TRIM55: variants seen among roughly 807,000 people sequenced by gnomAD.
TRIM55 encodes tripartite motif containing 55, also known as tripartite motif-containing protein 55.
A neutral mutation model predicts 60.9 loss-of-function variants in TRIM55; 50 were observed. The ratio of observed to expected loss-of-function variants is 0.82; its 90% CI spans 0.65 to 1.04. The LOEUF (loss-of-function observed/expected upper bound fraction) is 1.04, where lower values mean the gene tolerates loss of function less well. TRIM55 is among the 50% of genes least tolerant of loss of function. The pLI is 0.00. For missense variants in TRIM55, 681 were observed against 666.9 expected, an observed-to-expected ratio of 1.02 and a Z score of -0.23; for synonymous variants, 237 against 238.1, an observed-to-expected ratio of 1.00 and a Z score of 0.04.
At chr8:66,137,709 T>A (rs1451976613) in intron 4 of TRIM55, among the ~76,000 whole-genome samples, 1 of 146,456 alleles carries the variant, frequency 6.8e-6, no homozygotes, top group Non-Finnish European at 1.5e-5. Context: ...AGCTCATTCA[T>A]CTCCACTTGC....
chr8:66,159,730 A>G (rs1355582739), intron 9 of TRIM55, among the ~76,000 whole-genome samples: 3 of 152,280 alleles, frequency 2.0e-5, no homozygotes, highest in South Asian at 2.1e-4. Flanking sequence ...TATTTCAGCT[A>G]TTCTGGGTGG....
In TRIM55 at chr8:66,149,784, T is replaced by G. The variant is rs908305267; in HGVS notation, c.743T>G (p.Ile248Ser). 1.1e-5 allele frequency: 18 copies of G among 1,614,070 alleles called. No homozygotes were observed. Among genetic ancestry groups the G allele is most frequent in the Non-Finnish European group, 1.5e-5 (18 of 1,180,030 alleles). The change falls in exon 5 of 10, where the codon ATC (isoleucine) becomes AGC (serine). Residue 248 changes from isoleucine to serine, a missense_variant. Transcript: ENST00000315962. The part of the protein sequence containing the change: ...EEKLEHVRAL[I>S]KKYSDHLENV... ...AAACTGGAACATGTCCGTGCTCTGA[T>G]CAAAAAGTATTCTGATCATTTGGAG... is the stretch of plus-strand genomic sequence containing the variant.
intron 4 of TRIM55, among the ~76,000 whole-genome samples, chr8:66,144,712 G>T (rs761565263): frequency 5.9e-5 from 9 of 152,186 alleles, no homozygotes; most frequent in Non-Finnish European, 1.3e-4. Context: ...CTCCGAATTG[G>T]TCTTAAAGAT....
chr8:66,123,942 G>A (rs544691988), upstream of TRIM55, among the ~76,000 whole-genome samples: 92 of 152,036 alleles, frequency 6.1e-4, no homozygotes, highest in African/African-American at 2.2e-3. Context: ...CACTTATAGA[G>A]GGCAGAACTG....
Position 66,161,443 on chromosome 8 carries a change from T to C in TRIM55, c.1524+7109T>C, listed in dbSNP as rs552866192. Among the ~76,000 whole-genome samples the C allele has an allele frequency of 8.5e-5, 13 of 152,314 alleles. No individual in the cohort carries two copies. The South Asian group carries it at 1.2e-3, about 15-fold the overall frequency. ...GGTAATTATGGCCTTCTAGGATAGT[T>C]TGAAGTTGGGTAATGTGATGCCTAC... On this transcript the variant is annotated intron_variant, in intron 9 of 9. Transcript: ENST00000315962.
chr8:66,133,402 A>G (rs1418931576), intron 2 of TRIM55, among the ~76,000 whole-genome samples: 7 of 152,172 alleles, frequency 4.6e-5, no homozygotes, highest in Non-Finnish European at 8.8e-5. Flanking sequence ...TGCAGCAAAA[A>G]AAAAAAAAGA....
intron 9 of TRIM55, chr8:66,155,647 T>C: frequency 6.2e-7 from 1 of 1,612,956 alleles, no homozygotes; most frequent in Non-Finnish European, 8.5e-7. Flanking sequence ...CCTAGCGCTT[T>C]TGGCTTTTCT....
intron 2 of TRIM55, among the ~76,000 whole-genome samples, chr8:66,131,619 A>G (rs1586172468): frequency 6.6e-6 from 1 of 152,176 alleles, no homozygotes; most frequent in African/African-American, 2.4e-5. Context: ...TCTATGGAGC[A>G]CATCCTCAAG....
chr8:66,167,159 T>A (rs1205039565), intron 9 of TRIM55, among the ~76,000 whole-genome samples: 1 of 152,330 alleles, frequency 6.6e-6, no homozygotes, highest in East Asian at 1.9e-4. Flanking sequence ...CTGGTCTCTA[T>A]GAACAACTCT....
At chr8:66,165,485 G>A (rs2128985399) in intron 9 of TRIM55, among the ~76,000 whole-genome samples, 1 of 151,820 alleles carries the variant, frequency 6.6e-6, no homozygotes, top group Non-Finnish European at 1.5e-5. Context: ...TAGGTCTCAG[G>A]TTCTTTGAAA....
chr8:66,131,622 T>A (rs1023904466), intron 2 of TRIM55, among the ~76,000 whole-genome samples: 4 of 152,182 alleles, frequency 2.6e-5, no homozygotes, highest in African/African-American at 9.7e-5. Flanking sequence ...ATGGAGCACA[T>A]CCTCAAGTAA....
rs1810345700 is a variant in TRIM55, at chr8:66,150,371, T to C, written c.890T>C (p.Met297Thr). The change falls in exon 7 of 10, where the codon ATG becomes ACG. Residue 297 changes from methionine to threonine, a missense_variant. By Grantham distance (81) the Met-to-Thr change is moderately conservative (BLOSUM62 -1). Coordinates refer to ENST00000315962, the MANE Select transcript of TRIM55 (RefSeq NM_184085.2). Reference protein sequence around the residue: ...KISEASKAFQMEKIEHGYENM... With the variant: ...KISEASKAFQTEKIEHGYENM... ...TCGGAAGCATCAAAGGCATTTCAGA[T>C]GGAGAAAATAGAACATGGCTATGAG... 6.2e-7 allele frequency: 1 copy of C among 1,614,184 alleles called. No homozygotes were observed. The highest frequency in any genetic ancestry group is 8.5e-7 in the Non-Finnish European group (1 of 1,180,040).
chr8:66,166,350 G>A (rs1202136447), intron 9 of TRIM55, among the ~76,000 whole-genome samples: 1 of 152,220 alleles, frequency 6.6e-6, no homozygotes, highest in African/African-American at 2.4e-5. Flanking sequence ...TTGGGGAGCT[G>A]TTATGACACA....
intron 9 of TRIM55, 88 bp downstream of exon 9, chr8:66,154,422 C>A: frequency 7.1e-7 from 1 of 1,412,660 alleles, no homozygotes; most frequent in South Asian, 1.4e-5. Flanking sequence ...AAAGGGTTTT[C>A]AAAGGGGCAG....
intron 4 of TRIM55, among the ~76,000 whole-genome samples, chr8:66,138,382 G>A (rs1809606375): frequency 6.6e-6 from 1 of 152,158 alleles, no homozygotes; most frequent in Admixed American, 6.5e-5. Context: ...TAAGCATTAT[G>A]TTTTTGGGGT....
the TRIM55 span, chr8:66,115,212 C>G: frequency 6.6e-6 from 1 of 152,358 alleles, no homozygotes; most frequent in African/African-American, 2.4e-5. Context: ...CCTAGGCAAC[C>G]TGTATGCTTT....
At chr8:66,117,693 A>C in the TRIM55 span, among the ~76,000 whole-genome samples, 1 of 147,308 alleles carries the variant, frequency 6.8e-6, no homozygotes, top group Non-Finnish European at 1.5e-5. Context: ...CAGAGAAATC[A>C]GTTAAGAGGG....
Position 66,154,092 on chromosome 8 carries a change from A to G in TRIM55, c.1282A>G (p.Thr428Ala), listed in dbSNP as rs772146104. ...TGSEQTTESE[T>A]PVPAAAETAD... The stretch of plus-strand genomic sequence containing the variant: ...CTCTGAGCAGACCACAGAGTCTGAA[A>G]CTCCAGTCCCTGCAGCAGCAGAAAC... Residue 428 changes from threonine (T) to alanine (A), a missense_variant, in exon 9 of 10, where the codon ACT becomes GCT. Physicochemically the swap from Thr to Ala is moderately conservative, Grantham distance 58. Transcript: ENST00000315962. 9 of 1,613,678 alleles carry G rather than the reference A, an allele frequency of 5.6e-6. No individual in the cohort carries two copies. The African/African-American group carries it at 6.7e-5, about 12-fold the overall frequency.
chr8:66,136,105 C>T (rs527707680), intron 3 of TRIM55, among the ~76,000 whole-genome samples: 13 of 152,310 alleles, frequency 8.5e-5, no homozygotes, highest in African/African-American at 3.1e-4. Context: ...GCAAATTATC[C>T]ACAACATTTG....
Sources: gnomAD v4.1 joint callset for allele counts (sites outside exome capture counted in the v4.1 genomes callset) on GRCh38, gnomAD v4.1.1 for gene constraint, MANE v1.5 for transcripts, NCBI Gene and HGNC (gene_info 2026-07-23, HGNC 2026-07-21) for gene names.